SLC38A6: variants seen among roughly 807,000 people sequenced by gnomAD.
The protein encoded by SLC38A6 is N system amino acid transporter NAT-1.
In SLC38A6, 73 loss-of-function variants were observed where a neutral mutation model predicts 65.0. The ratio of observed to expected loss-of-function variants is 1.12; its 90% CI spans 0.93 to 1.37. The LOEUF (loss-of-function observed/expected upper bound fraction) is 1.37. SLC38A6 is among the 40% of genes most tolerant of loss of function. The pLI is 0.00. For synonymous variants in SLC38A6, 183 were observed against 178.8 expected, an observed-to-expected ratio of 1.02 and a Z score of -0.19; for missense variants, 561 against 531.1, an observed-to-expected ratio of 1.06 and a Z score of -0.55.
At chr14:61,038,836 T>C (rs879838013) in intron 8 of SLC38A6, among the ~76,000 whole-genome samples, 3 of 152,236 alleles carry the variant, frequency 2.0e-5, no homozygotes, top group South Asian at 2.1e-4. Context: ...ATCATTCCTC[T>C]TCTTCTCTCC....
chr14:61,001,815 T>C (rs925963791), intron 3 of SLC38A6, among the ~76,000 whole-genome samples: 1 of 152,200 alleles, frequency 6.6e-6, no homozygotes, highest in African/African-American at 2.4e-5. Context: ...TTGATTATTT[T>C]GTAATTCTAA....
At chr14:61,017,780 A>G (rs1006511841) in intron 4 of SLC38A6, among the ~76,000 whole-genome samples, 1 of 152,232 alleles carries the variant, frequency 6.6e-6, no homozygotes, top group African/African-American at 2.4e-5. Context: ...AAAAAAGTTC[A>G]TAGTAGGCAG....
Position 60,982,234 on chromosome 14 carries a change from C to G in SLC38A6, c.106-274C>G, listed in dbSNP as rs551730231. 58 of 504,954 alleles carry G rather than the reference C, an allele frequency of 1.1e-4. 1 individual carries two copies. The highest frequency in any genetic ancestry group is 8.8e-4 in the South Asian group (57 of 65,000). 31.3% of individuals were successfully genotyped at this position (504,954 alleles called of 1,614,324 possible). A position where few individuals can be genotyped will look rare whatever the true frequency, so the allele number is the denominator to read the frequency against. On this transcript the variant is annotated intron_variant, in intron 1 of 15. Coordinates refer to ENST00000267488, the MANE Select transcript of SLC38A6 (RefSeq NM_153811.3). ...ATTCCCATCCTATCTTCATCTCTTG[C>G]AGTCACAAGGTTAGTCATGGCCCTT...
chr14:61,039,484 ACT>A (rs1243438368), intron 8 of SLC38A6, among the ~76,000 whole-genome samples: 1 of 149,898 alleles, frequency 6.7e-6, no homozygotes, highest in Non-Finnish European at 1.5e-5. Context: ...AATTCTCCTG[ACT>A]CAGCCTCCCA....
chr14:61,015,809 C>A, intron 3 of SLC38A6, 95 bp from the exon 4 acceptor site: 1 of 868,730 alleles, frequency 1.2e-6, no homozygotes, highest in Non-Finnish European at 1.7e-6. Context: ...AAGAATTATA[C>A]TGTATTTAGT....
At chr14:61,022,664 A>T (rs892488075) in intron 5 of SLC38A6, among the ~76,000 whole-genome samples, 65 of 152,234 alleles carry the variant, frequency 4.3e-4, no homozygotes, top group African/African-American at 1.4e-3. Context: ...TGTAGTTCAG[A>T]TAACTTTTTT....
At chr14:61,030,669 C>A in intron 6 of SLC38A6, 146 bp downstream of exon 6, 1 of 572,868 alleles carries the variant, frequency 1.7e-6, no homozygotes, top group Non-Finnish European at 3.1e-6. Flanking sequence ...AGAAGTGAAG[C>A]AGTAATAGAA....
Position 60,982,583 on chromosome 14 carries a change from A to C in SLC38A6, c.181A>C (p.Ser61Arg), listed in dbSNP as rs545061150. 4 of 1,613,972 alleles carry C rather than the reference A, an allele frequency of 2.5e-6. No individual in the cohort carries two copies. Among genetic ancestry groups the C allele is most frequent in the Non-Finnish European group, 3.4e-6 (4 of 1,179,940 alleles). ...VFNLMNAIMG[S>R]GILGLAYVLA... Reference sequence around the variant, plus strand: ...TAATTTGATGAATGCCATCATGGGAAGTGGCATCCTTGGCTTAGCTTATGT... The same window carrying C: ...TAATTTGATGAATGCCATCATGGGACGTGGCATCCTTGGCTTAGCTTATGT... The change falls in exon 2 of 16, where the codon AGT becomes CGT. Residue 61 changes from serine to arginine, a missense_variant. Ser to Arg is a moderately radical substitution (Grantham distance 110). Coordinates refer to ENST00000267488, the MANE Select transcript of SLC38A6 (RefSeq NM_153811.3).
intron 8 of SLC38A6, among the ~76,000 whole-genome samples, chr14:61,040,389 G>A (rs934430430): frequency 2.7e-5 from 4 of 149,278 alleles, no homozygotes; most frequent in African/African-American, 9.9e-5. Context: ...ACCCAGGCTG[G>A]AGTGCAGTGG....
At chr14:61,046,658 A>G (rs2042168031) in intron 12 of SLC38A6, among the ~76,000 whole-genome samples, 1 of 152,308 alleles carries the variant, frequency 6.6e-6, no homozygotes, top group East Asian at 1.9e-4. Flanking sequence ...GCAGATGTGC[A>G]TTCTATGATG....
intron 8 of SLC38A6, among the ~76,000 whole-genome samples, chr14:61,039,792 T>C (rs1336247131): frequency 6.6e-6 from 1 of 152,136 alleles, no homozygotes; most frequent in African/African-American, 2.4e-5. Flanking sequence ...TTATTATTCT[T>C]GTCAATATGT....
chr14:60,982,141 G>A (rs1209373967), intron 1 of SLC38A6: 2 of 460,462 alleles, frequency 4.3e-6, no homozygotes, highest in Admixed American at 2.3e-5. Flanking sequence ...AGCAGTCCCA[G>A]GTTGACTCAG....
At chr14:61,062,536 C>T (rs990297563) in intron 15 of SLC38A6, among the ~76,000 whole-genome samples, 19 of 151,650 alleles carry the variant, frequency 1.3e-4, no homozygotes, top group African/African-American at 1.9e-4. Context: ...TATGTTGCCC[C>T]GACTGGATTT....
chr14:60,982,647 T>C lies in SLC38A6; in HGVS notation c.236+9T>C. 1.7e-5 allele frequency: 27 copies of C among 1,594,310 alleles called. No homozygotes were observed. Among genetic ancestry groups the C allele is most frequent in the Non-Finnish European group, 2.2e-5 (26 of 1,174,420 alleles). On this transcript the variant is annotated intron_variant, in intron 2 of 15. Coordinates refer to ENST00000267488, the MANE Select transcript of SLC38A6 (RefSeq NM_153811.3). ...GGTGTCTTTGGATTTAGGTGAGTCT[T>C]CATATTTTAGCATCAAATTTTTTTT...
At chr14:61,051,512 T>C (rs751783070) in intron 13 of SLC38A6, among the ~76,000 whole-genome samples, 8 of 152,214 alleles carry the variant, frequency 5.3e-5, no homozygotes, top group Non-Finnish European at 1.2e-4. Flanking sequence ...ATTTTTATTG[T>C]TGGTAATTTT....
At position 61,043,190 on chromosome 14, in the gene SLC38A6, A is replaced by C; in HGVS notation, c.668A>C (p.Asn223Thr). 2 of 1,543,076 alleles carry C rather than the reference A, an allele frequency of 1.3e-6. No individual in the cohort carries two copies. Among genetic ancestry groups the C allele is most frequent in the Middle Eastern group, 1.7e-4 (1 of 5,886 alleles). ...KWSIPCPLTL[N>T]YVEKGFQISN... ...TCCATCCCTTGTCCTCTGACATTAA[A>C]TTATGTAGAGAAAGGTTTCCAGGTA... Residue 223 changes from asparagine to threonine, a missense_variant, in exon 9 of 16, where the codon AAT (asparagine) becomes ACT (threonine). Physicochemically the swap from Asn to Thr is moderately conservative, Grantham distance 65. Coordinates refer to ENST00000267488, the MANE Select transcript of SLC38A6 (RefSeq NM_153811.3).
At chr14:61,030,219 C>G (rs1454450264) in intron 5 of SLC38A6, among the ~76,000 whole-genome samples, 3 of 151,522 alleles carry the variant, frequency 2.0e-5, no homozygotes, top group African/African-American at 7.3e-5. Flanking sequence ...ACAAAAGATA[C>G]TTAATGAACT....
chr14:61,015,944 A>G lies in SLC38A6; in HGVS notation c.351A>G (p.Gly117=), dbSNP rs200136573. ...AAGATCTTGGACTCTTTGCATTTGG[A>G]TTACCTGGAAAGGTAATTTTTTTTC... ...SYEDLGLFAF[G]LPGKLVVAGT... is the part of the protein sequence containing the mutation. The change falls in exon 4 of 16, where the codon GGA becomes GGG. Residue 117 remains glycine, a synonymous_variant. Transcript: ENST00000267488. The G allele has an allele frequency of 5.6e-6, 9 of 1,607,082 alleles. No homozygotes were observed. Among genetic ancestry groups the G allele is most frequent in the Non-Finnish European group, 6.8e-6 (8 of 1,178,274 alleles).
intron 3 of SLC38A6, among the ~76,000 whole-genome samples, chr14:61,009,609 C>T (rs1356535774): frequency 6.6e-6 from 1 of 151,740 alleles, no homozygotes; most frequent in Non-Finnish European, 1.5e-5. Context: ...TCAACTCCCA[C>T]CTATGAGTGA....
Sources: gnomAD v4.1 joint callset for allele counts (sites outside exome capture counted in the v4.1 genomes callset) on GRCh38, gnomAD v4.1.1 for gene constraint, MANE v1.5 for transcripts, NCBI Gene and HGNC (gene_info 2026-07-23, HGNC 2026-07-21) for gene names.